Variants in PDHX observed in about 807,000 individuals in gnomAD.
PDHX encodes pyruvate dehydrogenase protein X component, mitochondrial.
A neutral mutation model predicts 55.3 loss-of-function variants in PDHX; 33 were observed. That is an observed-to-expected ratio of 0.60 (90% CI 0.45 to 0.80). The LOEUF is 0.80. PDHX is among the 30% of genes least tolerant of loss of function. PDHX has a pLI of 0.00. For missense variants in PDHX, 622 were observed against 619.9 expected, an observed-to-expected ratio of 1.00 and a Z score of -0.04; for synonymous variants, 226 against 219.4, an observed-to-expected ratio of 1.03 and a Z score of -0.27.
At chr11:34,985,554 G>A (rs1855622175) in intron 9 of PDHX, among the ~76,000 whole-genome samples, 1 of 152,184 alleles carries the variant, frequency 6.6e-6, no homozygotes, top group African/African-American at 2.4e-5. Flanking sequence ...CCAAAAAATA[G>A]TACATCGAAT....
chr11:34,955,475 T>G (rs954072550), intron 3 of PDHX, among the ~76,000 whole-genome samples: 1 of 152,200 alleles, frequency 6.6e-6, no homozygotes, highest in African/African-American at 2.4e-5. Context: ...TATTTTATCT[T>G]CTGTTATATA....
intron 7 of PDHX, among the ~76,000 whole-genome samples, chr11:34,976,267 A>G (rs899699438): frequency 2.6e-5 from 4 of 152,172 alleles, no homozygotes; most frequent in Non-Finnish European, 4.4e-5. Flanking sequence ...TTCTGTATGC[A>G]TGCTTCACAC....
In PDHX at chr11:34,947,593, T is replaced by C. The variant is rs753585930; in HGVS notation, c.329T>C (p.Leu110Ser). The C allele has an allele frequency of 2.7e-5, 43 of 1,608,498 alleles. No homozygotes were observed. The highest frequency in any genetic ancestry group is 3.4e-5 in the Non-Finnish European group (40 of 1,175,002). Residue 110 changes from leucine to serine, a missense_variant, in exon 3 of 11, where the codon TTG becomes TCG. Transcript: ENST00000227868. Reference protein sequence around the residue: ...VTLDASDDGILAKIVVEEGSK... With the variant: ...VTLDASDDGISAKIVVEEGSK... ...TTAGATGCAAGTGATGATGGAATCT[T>C]GGCCAAAATCGTGGTAAGTTTTTAT...
intron 2 of PDHX, among the ~76,000 whole-genome samples, chr11:34,939,031 C>G (rs919681182): frequency 6.6e-6 from 1 of 152,150 alleles, no homozygotes; most frequent in African/African-American, 2.4e-5. Context: ...GATTTGTGAT[C>G]TTTTGAGTAT....
upstream of PDHX, chr11:34,916,011 T>A (rs553562791): frequency 1.6e-6 from 1 of 619,428 alleles, no homozygotes; most frequent in Non-Finnish European, 2.7e-6. Flanking sequence ...GCTCCCGCCA[T>A]CGGAGCGCCC....
intron 1 of PDHX, among the ~76,000 whole-genome samples, chr11:34,927,301 A>G (rs1463112518): frequency 6.6e-6 from 1 of 152,094 alleles, no homozygotes; most frequent in Non-Finnish European, 1.5e-5. Context: ...GCAGCAAACT[A>G]CTTACCTGTA....
At chr11:34,971,496 A>G (rs1277613789) in intron 7 of PDHX, among the ~76,000 whole-genome samples, 11 of 152,180 alleles carry the variant, frequency 7.2e-5, no homozygotes, top group Admixed American at 6.5e-4. Flanking sequence ...AGTTTTAAAC[A>G]TGAATAGATG....
rs1181422772 is a variant in PDHX, at chr11:34,951,651, G to A, written c.342+4045G>A. Among the ~76,000 whole-genome samples the A allele has an allele frequency of 3.3e-5, 5 of 152,274 alleles. No homozygotes were observed. The East Asian group carries it at 5.8e-4, about 18-fold the overall frequency. ...TTTTCTCCCATTTTATAGGTTGCCT[G>A]TTCACTCTGATGGTAGTTTCTTTTG... On this transcript the variant is annotated intron_variant, in intron 3 of 10. Transcript: ENST00000227868.
At chr11:34,954,956 T>C (rs946366336) in intron 3 of PDHX, among the ~76,000 whole-genome samples, 1 of 152,134 alleles carries the variant, frequency 6.6e-6, no homozygotes, top group African/African-American at 2.4e-5. Flanking sequence ...TGTACACAAC[T>C]GGGAGGGAAG....
chr11:34,984,688 C>G lies in PDHX; in HGVS notation c.1142C>G (p.Ala381Gly). The change falls in exon 9 of 11, where the codon GCT becomes GGT. Residue 381 changes from alanine to glycine, a missense_variant. Coordinates refer to ENST00000227868, the MANE Select transcript of PDHX (RefSeq NM_003477.3). ...TTACTTACTCCAATCATAAAAGATGCTGCTGCTAAAGGTATCCAGGAAATT... is the reference window on the plus strand; with the variant it reads ...TTACTTACTCCAATCATAAAAGATGGTGCTGCTAAAGGTATCCAGGAAATT... ...KGLLTPIIKD[A>G]AAKGIQEIAD... is the part of the protein sequence containing the mutation. The G allele has an allele frequency of 3.1e-6, 5 of 1,613,918 alleles. No individual in the cohort carries two copies. Among genetic ancestry groups the G allele is most frequent in the Non-Finnish European group, 4.2e-6 (5 of 1,179,808 alleles).
chr11:34,977,669 C>G (rs1855408675), intron 7 of PDHX: 3 of 402,276 alleles, frequency 7.5e-6, no homozygotes, highest in Middle Eastern at 3.6e-4. Flanking sequence ...ACATGTATCA[C>G]TGTTCTAGTA....
At chr11:34,986,972 A>G (rs1174768807) in intron 9 of PDHX, among the ~76,000 whole-genome samples, 2 of 152,346 alleles carry the variant, frequency 1.3e-5, no homozygotes, top group East Asian at 1.9e-4. Context: ...ACCCAGTACA[A>G]TTGGAACCTT....
intron 8 of PDHX, among the ~76,000 whole-genome samples, chr11:34,982,794 T>C (rs9667504): frequency 0.047 from 7,120 of 151,862 alleles, 517 homozygotes; most frequent in African/African-American, 0.16. Context: ...GCTTACCAAC[T>C]AAAAAAAGTC....
At chr11:34,916,884 G>C in intron 1 of PDHX, 69 bp downstream of exon 1, 1 of 1,411,322 alleles carries the variant, frequency 7.1e-7, no homozygotes, top group Non-Finnish European at 9.7e-7. Context: ...GGGCAGTTAT[G>C]ATTGAGGGCC....
chr11:34,995,286 AT>A lies in PDHX; in HGVS notation c.*117del. 3 of 1,198,720 alleles carry A rather than the reference AT, an allele frequency of 2.5e-6. No homozygotes were observed. Among genetic ancestry groups the A allele is most frequent in the Non-Finnish European group, 3.7e-6 (3 of 811,622 alleles). 74.3% of individuals were successfully genotyped at this position (1,198,720 alleles called of 1,614,324 possible). A position where few individuals can be genotyped will look rare whatever the true frequency, so the allele number is the denominator to read the frequency against. Reference sequence around the variant, plus strand: ...TAAGTATGAAGTGGATGAAATGTTTATTTATTTAAGGTGAAAGCATTTGACC... The same window carrying A: ...TAAGTATGAAGTGGATGAAATGTTTATTATTTAAGGTGAAAGCATTTGACC... On this transcript the variant is annotated 3_prime_UTR_variant, in exon 11 of 11. Coordinates refer to ENST00000227868, the MANE Select transcript of PDHX (RefSeq NM_003477.3).
At chr11:34,930,914 TA>T (rs1189246801) in intron 1 of PDHX, among the ~76,000 whole-genome samples, 1 of 152,234 alleles carries the variant, frequency 6.6e-6, no homozygotes, top group African/African-American at 2.4e-5. Context: ...TAGATGAAAA[TA>T]AAAACAGCCA....
chr11:34,928,460 C>A (rs978356265), intron 1 of PDHX, among the ~76,000 whole-genome samples: 6 of 150,728 alleles, frequency 4.0e-5, no homozygotes, highest in Non-Finnish European at 8.9e-5. Flanking sequence ...TTTGCCCACC[C>A]CCCTCCTTTT....
At chr11:34,986,693 CTAAGTT>C (rs1409346584) in intron 9 of PDHX, among the ~76,000 whole-genome samples, 2 of 152,218 alleles carry the variant, frequency 1.3e-5, no homozygotes, top group Non-Finnish European at 2.9e-5. Flanking sequence ...CCTGAAGACT[CTAAGTT>C]TAAGAGGTAA....
Position 34,995,155 on chromosome 11 carries a change from C to T in PDHX, c.1489C>T (p.Pro497Ser), listed in dbSNP as rs1855834775. The change falls in exon 11 of 11, where the codon CCT (proline) becomes TCT (serine). Residue 497 changes from proline (P) to serine (S), a missense_variant. Pro to Ser is a moderately conservative substitution (Grantham distance 74, BLOSUM62 -1). Transcript: ENST00000227868. ...AAGTTTTAAAGCAAACCTAGAGAAT[C>T]CTATCCGACTTGCCTAGTCCTCAAA... ...LKSFKANLEN[P>S]IRLA 6.2e-7 allele frequency: 1 copy of T among 1,613,780 alleles called. No individual in the cohort carries two copies. The highest frequency in any genetic ancestry group is 8.5e-7 in the Non-Finnish European group (1 of 1,179,886).
Sources: gnomAD v4.1 joint callset for allele counts (sites outside exome capture counted in the v4.1 genomes callset) on GRCh38, gnomAD v4.1.1 for gene constraint, MANE v1.5 for transcripts, NCBI Gene and HGNC (gene_info 2026-07-23, HGNC 2026-07-21) for gene names.